PNLIPRP3: variants seen among roughly 807,000 people sequenced by gnomAD.
The protein encoded by PNLIPRP3 is pancreatic lipase-related protein 3.
A neutral mutation model predicts 52.8 loss-of-function variants in PNLIPRP3; 58 were observed. The ratio of observed to expected loss-of-function variants is 1.10; its 90% CI spans 0.89 to 1.37. The LOEUF (loss-of-function observed/expected upper bound fraction) is 1.37, where lower values mean the gene tolerates loss of function less well. Among genes scored for constraint, PNLIPRP3 ranks in the 40% most tolerant of loss-of-function variants. PNLIPRP3 has a pLI of 0.00. For missense variants in PNLIPRP3, 593 were observed against 561.6 expected, an observed-to-expected ratio of 1.06 and a Z score of -0.57; for synonymous variants, 192 against 185.0, an observed-to-expected ratio of 1.04 and a Z score of -0.31.
chr10:116,443,802 C>CATATAT (rs1200044232), intron 3 of PNLIPRP3, among the ~76,000 whole-genome samples: 49 of 13,090 alleles, frequency 3.7e-3, no homozygotes, highest in African/African-American at 5.2e-3. Flanking sequence ...TGTGTGTGTG[C>CATATAT]ATATATATAT....
chr10:116,448,642 T>A (rs1262821573), intron 4 of PNLIPRP3, among the ~76,000 whole-genome samples: 2 of 151,722 alleles, frequency 1.3e-5, no homozygotes, highest in Non-Finnish European at 2.9e-5. Flanking sequence ...AGACCTGGAG[T>A]TCAACACAAG....
chr10:116,446,299 T>C (rs1471308526), intron 4 of PNLIPRP3, among the ~76,000 whole-genome samples: 1 of 130,008 alleles, frequency 7.7e-6, no homozygotes, highest in Non-Finnish European at 1.5e-5. Context: ...TAAGCCGAGA[T>C]GGCGCCGCTG....
Position 116,428,026 on chromosome 10 carries a change from G to T in PNLIPRP3, c.14G>T (p.Trp5Leu). 6.2e-7 allele frequency: 1 copy of T among 1,608,948 alleles called. No homozygotes were observed. Among genetic ancestry groups the T allele is most frequent in the Non-Finnish European group, 8.5e-7 (1 of 1,176,616 alleles). Residue 5 changes from tryptophan (W) to leucine (L), a missense_variant, in exon 1 of 12, where the codon TGG (tryptophan) becomes TTG (leucine). By Grantham distance (61) the Trp-to-Leu change is moderately conservative (BLOSUM62 -2). Coordinates refer to ENST00000369230, the MANE Select transcript of PNLIPRP3 (RefSeq NM_001011709.3). MLGI[W>L]IVAFLFFGTS... ...AAATCAGCTTAGATGCTTGGAATTT[G>T]GATTGTTGCATTCTTGTTCTTTGGC...
chr10:116,443,763 GTA>G (rs1378468950), intron 3 of PNLIPRP3, among the ~76,000 whole-genome samples: 2,410 of 126,590 alleles, frequency 0.019, 101 homozygotes, highest in African/African-American at 0.063. Flanking sequence ...GTGTGTGTGT[GTA>G]TGTGTGTGTG....
chr10:116,476,767 A>G lies in PNLIPRP3; in HGVS notation c.1288A>G (p.Asn430Asp), dbSNP rs1175174579. The G allele has an allele frequency of 2.5e-6, 4 of 1,610,968 alleles. No individual in the cohort carries two copies. Among genetic ancestry groups the G allele is most frequent in the Non-Finnish European group, 2.5e-6 (3 of 1,178,548 alleles). The change falls in exon 11 of 12, where the codon AAT (asparagine) becomes GAT (aspartate). Residue 430 changes from asparagine (N) to aspartate (D), a missense_variant. By Grantham distance (23) the Asn-to-Asp change is conservative. Coordinates refer to ENST00000369230, the MANE Select transcript of PNLIPRP3 (RefSeq NM_001011709.3). ...WKKHLFEDSQ[N>D]KLGAEMVINT... is the part of the protein sequence containing the mutation. ...AAAACATTTGTTTGAAGATTCTCAGAATAAGTTGGGAGCAGAAATGGTGAT... is the reference window on the plus strand; with the variant it reads ...AAAACATTTGTTTGAAGATTCTCAGGATAAGTTGGGAGCAGAAATGGTGAT...
intron 7 of PNLIPRP3, among the ~76,000 whole-genome samples, chr10:116,462,556 G>C (rs1161030559): frequency 6.6e-6 from 1 of 152,028 alleles, no homozygotes; most frequent in Admixed American, 6.6e-5. Flanking sequence ...GTGATCAGAA[G>C]TATATATTTG....
At chr10:116,429,976 A>G (rs1352650148) in intron 1 of PNLIPRP3, among the ~76,000 whole-genome samples, 1 of 152,196 alleles carries the variant, frequency 6.6e-6, no homozygotes, top group Admixed American at 6.5e-5. Context: ...AAGAAATAAC[A>G]GCATGTTTGT....
intron 5 of PNLIPRP3, among the ~76,000 whole-genome samples, chr10:116,458,714 G>A (rs1009582495): frequency 1.3e-5 from 2 of 152,044 alleles, no homozygotes; most frequent in Admixed American, 6.6e-5. Flanking sequence ...TTCCATCTGT[G>A]CTCTGAGTTC....
At chr10:116,448,127 C>A (rs889663786) in intron 4 of PNLIPRP3, among the ~76,000 whole-genome samples, 5 of 151,830 alleles carry the variant, frequency 3.3e-5, no homozygotes, top group African/African-American at 1.2e-4. Flanking sequence ...AACATATAGA[C>A]AAATACAAAA....
chr10:116,467,397 A>G (rs184054315), intron 8 of PNLIPRP3, among the ~76,000 whole-genome samples: 1 of 152,224 alleles, frequency 6.6e-6, no homozygotes, highest in East Asian at 1.9e-4. Context: ...TTGAGACTCC[A>G]TCTCAAAAAA....
intron 2 of PNLIPRP3, among the ~76,000 whole-genome samples, chr10:116,438,503 T>C (rs1242823155): frequency 6.6e-6 from 1 of 152,180 alleles, no homozygotes; most frequent in African/African-American, 2.4e-5. Context: ...CATACATATG[T>C]ACACACTACT....
intron 7 of PNLIPRP3, among the ~76,000 whole-genome samples, chr10:116,463,532 C>T (rs1407266345): frequency 6.6e-6 from 1 of 152,092 alleles, no homozygotes; most frequent in Non-Finnish European, 1.5e-5. Flanking sequence ...AGAACTTAAC[C>T]AATGTCAGTT....
chr10:116,451,897 G>A (rs186349960), intron 4 of PNLIPRP3, among the ~76,000 whole-genome samples: 72 of 152,314 alleles, frequency 4.7e-4, no homozygotes, highest in African/African-American at 1.6e-3. Flanking sequence ...TTCAAAATGT[G>A]GAAGTGATTT....
intron 5 of PNLIPRP3, among the ~76,000 whole-genome samples, chr10:116,456,629 G>T (rs1813619920): frequency 6.6e-6 from 1 of 152,204 alleles, no homozygotes; most frequent in African/African-American, 2.4e-5. Flanking sequence ...GCGGAGCAAA[G>T]TATATAGCAT....
chr10:116,433,358 T>C (rs1845734621), intron 1 of PNLIPRP3, among the ~76,000 whole-genome samples: 1 of 151,856 alleles, frequency 6.6e-6, no homozygotes, highest in Admixed American at 6.6e-5. Flanking sequence ...TACAAATAAA[T>C]AAGCAAAAAC....
At chr10:116,434,479 A>C (rs186745424) in intron 1 of PNLIPRP3, among the ~76,000 whole-genome samples, 1 of 152,302 alleles carries the variant, frequency 6.6e-6, no homozygotes, top group Admixed American at 6.5e-5. Context: ...CAGAACTATT[A>C]ATCTTTCAAT....
At position 116,477,073 on chromosome 10, in the gene PNLIPRP3, TC is replaced by T; in HGVS notation, c.1341-15del. On this transcript the variant is annotated splice_polypyrimidine_tract_variant and intron_variant, in intron 11 of 11. Transcript: ENST00000369230. ...ATCAGGTTAAAATTCCTTTTTTTTTTCCTTAAAAACTTTCAGATCTACCTTC... is the reference window on the plus strand; with the variant it reads ...ATCAGGTTAAAATTCCTTTTTTTTTTCTTAAAAACTTTCAGATCTACCTTC... 1 of 1,559,418 alleles carries T rather than the reference TC, an allele frequency of 6.4e-7. No individual in the cohort carries two copies.
intron 1 of PNLIPRP3, among the ~76,000 whole-genome samples, chr10:116,430,896 A>T (rs1300935208): frequency 6.6e-6 from 1 of 152,116 alleles, no homozygotes; most frequent in Non-Finnish European, 1.5e-5. Context: ...TTCTCCCTGG[A>T]ATCCCAGTCT....
rs574971351 is a variant in PNLIPRP3, at chr10:116,438,267, C to T, written c.204+1402C>T. ...ACATGAAATCTCAGAAGCAGAGAAACGAGGGCAGGACTAGGAGTGGTTGGA... is the reference window on the plus strand; with the variant it reads ...ACATGAAATCTCAGAAGCAGAGAAATGAGGGCAGGACTAGGAGTGGTTGGA... On this transcript the variant is annotated intron_variant, in intron 2 of 11. Coordinates refer to ENST00000369230, the MANE Select transcript of PNLIPRP3 (RefSeq NM_001011709.3). Among the ~76,000 whole-genome samples the T allele has an allele frequency of 9.2e-5, 14 of 152,174 alleles. No individual in the cohort carries two copies. In the East Asian group the frequency reaches 1.7e-3, roughly 19 times the overall value.
Sources: allele counts gnomAD v4.1 joint callset (sites outside exome capture counted in the v4.1 genomes callset), GRCh38; gene constraint gnomAD v4.1.1; transcripts MANE v1.5; gene names NCBI Gene and HGNC (gene_info 2026-07-23, HGNC 2026-07-21).